Variants in ATXN1 observed in about 807,000 individuals in gnomAD.
ATXN1 encodes the protein ataxin 1, also known as ataxin-1.
In ATXN1, 8 loss-of-function variants were observed where a neutral mutation model predicts 56.4. The ratio of observed to expected loss-of-function variants is 0.14; its 90% CI spans 0.08 to 0.26. The LOEUF (loss-of-function observed/expected upper bound fraction) is 0.26. Among genes scored for constraint, ATXN1 ranks in the 10% least tolerant of loss-of-function variants. The pLI, the probability that ATXN1 is intolerant of heterozygous loss-of-function variation, is 1.00. For synonymous variants in ATXN1, 514 were observed against 494.6 expected (o/e 1.04, Z -0.52); for missense variants, 987 against 1,106.5 (o/e 0.89, Z 1.53).
chr6:16,361,104 A>G (rs1040575691), intron 6 of ATXN1, among the ~76,000 whole-genome samples: 1 of 152,228 alleles, frequency 6.6e-6, no homozygotes, highest in Non-Finnish European at 1.5e-5. Flanking sequence ...CTGAGCCCCT[A>G]TGGAGAATAA....
In ATXN1 at chr6:16,306,651, T is replaced by C. The variant is rs755229072; in HGVS notation, c.2126A>G (p.Lys709Arg). 28 of 1,614,238 alleles carry C rather than the reference T, an allele frequency of 1.7e-5. No homozygotes were observed. The South Asian group carries it at 3.0e-4, about 17-fold the overall frequency. ...QPVDPASVLLKHSKADGLAGS... is the reference protein window; with the variant it reads ...QPVDPASVLLRHSKADGLAGS... ...CGCCAGGCCGTCGGCCTTTGAGTGCTTCAGCAGGACGCTGGCGGGATCCAC... is the reference window on the plus strand; with the variant it reads ...CGCCAGGCCGTCGGCCTTTGAGTGCCTCAGCAGGACGCTGGCGGGATCCAC... Residue 709 changes from lysine to arginine, a missense_variant, in exon 8 of 8, where the codon AAG (lysine) becomes AGG (arginine). Physicochemically the swap from Lys to Arg is conservative, Grantham distance 26. Transcript: ENST00000436367. The surrounding 1 kb of genome is among the most constrained non-coding windows in gnomAD (Gnocchi z 5.2).
At chr6:16,656,497 TA>T (rs141138789) in intron 3 of ATXN1, among the ~76,000 whole-genome samples, 12,389 of 150,296 alleles carry the variant, frequency 0.082, 1,704 homozygotes, top group African/African-American at 0.28. Context: ...ACGGGGTTGA[TA>T]AAAAAAAAAT....
At chr6:16,617,318 AATCT>A (rs1763232349) in intron 3 of ATXN1, among the ~76,000 whole-genome samples, 1 of 152,126 alleles carries the variant, frequency 6.6e-6, no homozygotes, top group South Asian at 2.1e-4. Context: ...ATTGATATCT[AATCT>A]ATTAAATTAA....
intron 6 of ATXN1, among the ~76,000 whole-genome samples, chr6:16,389,850 ACAG>A (rs1294345444): frequency 3.3e-5 from 5 of 152,142 alleles, no homozygotes; most frequent in Non-Finnish European, 7.4e-5. Context: ...GTTCCTTCCA[ACAG>A]CAGGTGTCAT....
intron 6 of ATXN1, among the ~76,000 whole-genome samples, chr6:16,454,521 C>T (rs2113617197): frequency 6.6e-6 from 1 of 152,306 alleles, no homozygotes; most frequent in South Asian, 2.1e-4. Flanking sequence ...AACAAACTGG[C>T]TTGAGAAGCT....
At chr6:16,606,245 A>ATCAATAT (rs914907637) in intron 3 of ATXN1, among the ~76,000 whole-genome samples, 1 of 152,228 alleles carries the variant, frequency 6.6e-6, no homozygotes, top group Non-Finnish European at 1.5e-5. Flanking sequence ...CATAGGCTCA[A>ATCAATAT]TCAATATTCA....
intron 2 of ATXN1, chr6:16,667,454 C>T (rs1387785864): frequency 6.6e-6 from 1 of 152,176 alleles, no homozygotes; most frequent in African/African-American, 2.4e-5. Flanking sequence ...GACCGGTTAT[C>T]ACATGGAAAA....
chr6:16,618,793 T>C (rs1310400659), intron 3 of ATXN1, among the ~76,000 whole-genome samples: 1 of 150,258 alleles, frequency 6.7e-6, no homozygotes, highest in Non-Finnish European at 1.5e-5. Flanking sequence ...ATTATTAATA[T>C]GCTTGACTAC....
chr6:16,725,732 T>C (rs1238597168), intron 2 of ATXN1, among the ~76,000 whole-genome samples: 1 of 152,202 alleles, frequency 6.6e-6, no homozygotes, highest in African/African-American at 2.4e-5. Context: ...AATCATCCTT[T>C]CACAAGCTGA....
Position 16,320,796 on chromosome 6 carries a change from G to A in ATXN1, c.1917+5598C>T, listed in dbSNP as rs147469259. ...CAGAAATACAGATTGATATGCTCAC[G>A]CAGGCTGGCATGACATCATTTAGCC... On this transcript the variant is annotated intron_variant, in intron 7 of 7. Coordinates refer to ENST00000436367, the MANE Select transcript of ATXN1 (RefSeq NM_001128164.2). Among the ~76,000 whole-genome samples the A allele has an allele frequency of 2.2e-3, 337 of 152,336 alleles. 2 individuals are homozygous for A. The highest frequency in any genetic ancestry group is 7.6e-3 in the African/African-American group (315 of 41,578).
intron 6 of ATXN1, among the ~76,000 whole-genome samples, chr6:16,332,544 G>A (rs1761017290): frequency 6.6e-6 from 1 of 152,152 alleles, no homozygotes; most frequent in Non-Finnish European, 1.5e-5. Flanking sequence ...GGAAGCACCT[G>A]CCACAACAAA....
In ATXN1 at chr6:16,327,699, C is replaced by CTGCTGA. The variant is rs770491219; in HGVS notation, c.611_612insTCAGCA (p.Gln203_Gln204insHisGln). 4.1e-5 allele frequency: 66 copies of CTGCTGA among 1,595,788 alleles called. No individual in the cohort carries two copies. The highest frequency in any genetic ancestry group is 5.4e-5 in the Non-Finnish European group (64 of 1,175,532). On this transcript the variant is annotated inframe_insertion, in exon 7 of 8. Transcript: ENST00000436367. The stretch of plus-strand genomic sequence containing the variant: ...GCTGATGCTGATGCTGCTGCTGCTG[C>CTGCTGA]TGCTGCTGCTGCTGCTGCTGCTGCT...
At chr6:16,586,326 C>A (rs1762623660) in intron 3 of ATXN1, among the ~76,000 whole-genome samples, 1 of 152,216 alleles carries the variant, frequency 6.6e-6, no homozygotes, top group African/African-American at 2.4e-5. Flanking sequence ...TTCTCTAAGA[C>A]TCCTTCTAGC....
At chr6:16,607,231 G>A (rs1207593130) in intron 3 of ATXN1, among the ~76,000 whole-genome samples, 1 of 152,210 alleles carries the variant, frequency 6.6e-6, no homozygotes, top group East Asian at 1.9e-4. Context: ...GTGGCCTTGG[G>A]AAAGTTATAC....
chr6:16,599,488 G>A (rs2005993), intron 3 of ATXN1, among the ~76,000 whole-genome samples: 82,142 of 151,510 alleles, frequency 0.54, 24,581 homozygotes, highest in Admixed American at 0.69. Context: ...TGAGGCGAGC[G>A]GATCATGAGG....
At chr6:16,337,976 C>A (rs918764104) in intron 6 of ATXN1, among the ~76,000 whole-genome samples, 1 of 152,182 alleles carries the variant, frequency 6.6e-6, no homozygotes, top group Non-Finnish European at 1.5e-5. Flanking sequence ...TGATAGATCT[C>A]ACTACCCGAT....
rs564260796 is a variant in ATXN1, at chr6:16,596,566, A to C, written c.-488-10659T>G. Among the ~76,000 whole-genome samples, 93 of 152,320 alleles carry C rather than the reference A, an allele frequency of 6.1e-4. 1 individual carries two copies. Among genetic ancestry groups the C allele is most frequent in the Non-Finnish European group, 1.0e-3 (71 of 68,016 alleles). On this transcript the variant is annotated intron_variant, in intron 3 of 7. Transcript: ENST00000436367. Reference sequence around the variant, plus strand: ...CTTTGGATTCCTATGTCACGTTAAAAGTGTGTTGGGCATTTTATCCAGTGA... The same window carrying C: ...CTTTGGATTCCTATGTCACGTTAAACGTGTGTTGGGCATTTTATCCAGTGA...
At chr6:16,574,325 C>A (rs747826656) in intron 4 of ATXN1, among the ~76,000 whole-genome samples, 2 of 152,258 alleles carry the variant, frequency 1.3e-5, no homozygotes, top group African/African-American at 2.4e-5. Context: ...CCTGCCTCAG[C>A]CTCTTGAGTA....
At chr6:16,603,959 C>CT (rs1443945927) in intron 3 of ATXN1, among the ~76,000 whole-genome samples, 2 of 152,126 alleles carry the variant, frequency 1.3e-5, no homozygotes, top group African/African-American at 4.8e-5. Flanking sequence ...TCCTGGGTCT[C>CT]TACCAGGATT....
Sources: gnomAD v4.1 joint callset for allele counts (sites outside exome capture counted in the v4.1 genomes callset) on GRCh38, gnomAD v4.1.1 for gene constraint, Gnocchi (gnomAD v3.1) non-coding constraint, MANE v1.5 for transcripts, NCBI Gene and HGNC (gene_info 2026-07-23, HGNC 2026-07-21) for gene names.